ZSCAN16: variants seen among roughly 807,000 people sequenced by gnomAD.
ZSCAN16 encodes zinc finger and SCAN domain containing 16.
Under a neutral mutation model 19.4 loss-of-function variants are expected in ZSCAN16, and 15 were observed. That is an observed-to-expected ratio of 0.77 (90% CI 0.52 to 1.19). The LOEUF (loss-of-function observed/expected upper bound fraction) is 1.19, where lower values mean the gene tolerates loss of function less well. Ranked by LOEUF, ZSCAN16 falls within the 50% of genes most tolerant of loss-of-function variation. The pLI is 0.00. For synonymous variants in ZSCAN16, 138 were observed against 146.5 expected (o/e 0.94, Z 0.42); for missense variants, 327 against 415.7 (o/e 0.79, Z 1.86).
At chr6:28,127,006 T>G (rs1764926521) in intron 3 of ZSCAN16, 85 bp downstream of exon 3, 1 of 1,240,050 alleles carries the variant, frequency 8.1e-7, no homozygotes, top group Non-Finnish European at 1.0e-6. Flanking sequence ...TCTTCTCCTT[T>G]TAAAGATTTC....
intron 2 of ZSCAN16, among the ~76,000 whole-genome samples, 194 bp from the exon 3 acceptor site, chr6:28,126,589 T>C (rs755477577): frequency 3.9e-5 from 6 of 152,334 alleles, no homozygotes; most frequent in South Asian, 2.1e-4. Flanking sequence ...AGAAGAGACG[T>C]TGAATTTTAC....
intron 3 of ZSCAN16, among the ~76,000 whole-genome samples, chr6:28,127,124 C>T (rs965214884): frequency 6.6e-6 from 1 of 152,008 alleles, no homozygotes; most frequent in Non-Finnish European, 1.5e-5. Flanking sequence ...GCTATTTGGC[C>T]CAAGGGATGA....
intron 3 of ZSCAN16, among the ~76,000 whole-genome samples, chr6:28,128,284 C>T (rs973302163): frequency 2.0e-5 from 3 of 151,998 alleles, no homozygotes; most frequent in African/African-American, 7.2e-5. Context: ...CTGGCTCAAC[C>T]TGTCTTTTGA....
rs1765020171 is a variant in ZSCAN16, at chr6:28,130,073, G to A, written c.*123G>A. Reference sequence around the variant, plus strand: ...CTTCAGTCATCATTAAACTTCTCTGGACCAAAGAATCTACCTGAGTAAAAT... The same window carrying A: ...CTTCAGTCATCATTAAACTTCTCTGAACCAAAGAATCTACCTGAGTAAAAT... On this transcript the variant is annotated 3_prime_UTR_variant, in exon 4 of 4. Coordinates refer to ENST00000340487, the MANE Select transcript of ZSCAN16 (RefSeq NM_025231.3). 4.3e-6 allele frequency: 3 copies of A among 703,968 alleles called. No homozygotes were observed. Among genetic ancestry groups the A allele is most frequent in the Non-Finnish European group, 6.8e-6 (3 of 443,482 alleles). 43.6% of individuals were successfully genotyped at this position (703,968 alleles called of 1,614,324 possible). A position where few individuals can be genotyped will look rare whatever the true frequency, so the allele number is the denominator to read the frequency against.
At chr6:28,127,267 G>A (rs1358005485) in intron 3 of ZSCAN16, among the ~76,000 whole-genome samples, 1 of 152,162 alleles carries the variant, frequency 6.6e-6, no homozygotes, top group Admixed American at 6.5e-5. Flanking sequence ...CTGTCATACA[G>A]AATACCATGG....
intron 3 of ZSCAN16, among the ~76,000 whole-genome samples, chr6:28,128,504 A>G (rs1163358093): frequency 6.6e-6 from 1 of 152,214 alleles, no homozygotes; most frequent in Non-Finnish European, 1.5e-5. Flanking sequence ...CTGCAAAAAT[A>G]TCACAGAGTA....
Position 28,125,837 on chromosome 6 carries a change from A to T in ZSCAN16, c.387+7A>T. On this transcript the variant is annotated splice_region_variant and intron_variant, in intron 2 of 3. Transcript: ENST00000340487. The surrounding 1 kb of genome is among the most constrained non-coding windows in gnomAD (Gnocchi z 6.2). ...TGATGAACCTGGAAAGCAGGTGTGA[A>T]GGGGCAGTCATCTGGCTGTGAGTGA... 6.3e-7 allele frequency: 1 copy of T among 1,585,268 alleles called. No individual in the cohort carries two copies. The highest frequency in any genetic ancestry group is 8.6e-7 in the Non-Finnish European group (1 of 1,164,580).
rs758704810 is a variant in ZSCAN16 at position 28,125,501 on chromosome 6, G to T, written c.58G>T (p.Asp20Tyr). The stretch of plus-strand genomic sequence containing the variant: ...AGGACTTCTGATAATTAAGGCAGAG[G>T]ACCATTACTGGGGACAGGATTCCAG... ...QKGLLIIKAEDHYWGQDSSSQ... is the reference protein window; with the variant it reads ...QKGLLIIKAEYHYWGQDSSSQ... The change falls in exon 2 of 4, where the codon GAC becomes TAC. Residue 20 changes from aspartate (D) to tyrosine (Y), a missense_variant. Physicochemically the swap from Asp to Tyr is radical, Grantham distance 160. Transcript: ENST00000340487. The surrounding 1 kb of genome is among the most constrained non-coding windows in gnomAD (Gnocchi z 6.2). The T allele has an allele frequency of 1.2e-6, 2 of 1,614,188 alleles. No homozygotes were observed. Among genetic ancestry groups the T allele is most frequent in the Admixed American group, 1.7e-5 (1 of 60,020 alleles).
At chr6:28,126,954 A>C (rs770564729) in intron 3 of ZSCAN16, 33 bp downstream of exon 3, 1 of 1,431,166 alleles carries the variant, frequency 7.0e-7, no homozygotes, top group Non-Finnish European at 9.3e-7. Flanking sequence ...GTATGAGGGT[A>C]GAGGTACTTC....
In ZSCAN16 at chr6:28,125,874, G is replaced by A. The variant is rs1272486988; in HGVS notation, c.387+44G>A. 6.9e-7 allele frequency: 1 copy of A among 1,449,820 alleles called. No homozygotes were observed. Among genetic ancestry groups the A allele is most frequent in the South Asian group, 1.3e-5 (1 of 77,678 alleles). The allele number at this position is 1,449,820 out of a possible 1,614,324, so 89.8% of individuals were successfully genotyped here. On this transcript the variant is annotated intron_variant, in intron 2 of 3. Transcript: ENST00000340487. This position sits in a 1 kb window ranked among gnomAD's most constrained non-coding sequence, Gnocchi z 6.2. Reference sequence around the variant, plus strand: ...CTGGCTGTGAGTGATCAGGGGATATGGATGGAGCCAAAGCAAAAGGCATAT... The same window carrying A: ...CTGGCTGTGAGTGATCAGGGGATATAGATGGAGCCAAAGCAAAAGGCATAT...
chr6:28,124,965 CG>C, intron 1 of ZSCAN16, among the ~76,000 whole-genome samples: 1 of 152,328 alleles, frequency 6.6e-6, no homozygotes, highest in East Asian at 1.9e-4. Context: ...CAAGCTGGCC[CG>C]TGCATCTCAT....
rs768615894 is a variant in ZSCAN16 at position 28,125,857 on chromosome 6, G to A, written c.387+27G>A. ...TGTGAAGGGGCAGTCATCTGGCTGTGAGTGATCAGGGGATATGGATGGAGC... is the reference window on the plus strand; with the variant it reads ...TGTGAAGGGGCAGTCATCTGGCTGTAAGTGATCAGGGGATATGGATGGAGC... On this transcript the variant is annotated intron_variant, in intron 2 of 3. Coordinates refer to ENST00000340487, the MANE Select transcript of ZSCAN16 (RefSeq NM_025231.3). This position sits in a 1 kb window ranked among gnomAD's most constrained non-coding sequence, Gnocchi z 6.2. 1 of 1,539,468 alleles carries A rather than the reference G, an allele frequency of 6.5e-7. No homozygotes were observed. Among genetic ancestry groups the A allele is most frequent in the Non-Finnish European group, 8.8e-7 (1 of 1,133,120 alleles).
At chr6:28,128,850 T>C (rs1442780742) in intron 3 of ZSCAN16, among the ~76,000 whole-genome samples, 1 of 152,204 alleles carries the variant, frequency 6.6e-6, no homozygotes, top group Non-Finnish European at 1.5e-5. Flanking sequence ...TTTTCATTCC[T>C]CTATTTACTC....
chr6:28,126,239 T>C (rs750645212), intron 2 of ZSCAN16, among the ~76,000 whole-genome samples: 3 of 151,756 alleles, frequency 2.0e-5, no homozygotes, highest in African/African-American at 4.9e-5. Context: ...GCAAGCTGTA[T>C]ATGTATTTAA....
chr6:28,126,632 C>A, intron 2 of ZSCAN16, 151 bp from the exon 3 acceptor site: 1 of 492,850 alleles, frequency 2.0e-6, no homozygotes, highest in Non-Finnish European at 3.3e-6. Flanking sequence ...AGATTAGCCT[C>A]TGTTCCTTCT....
chr6:28,129,854 A>G lies in ZSCAN16; in HGVS notation c.951A>G (p.Glu317=). 6.2e-7 allele frequency: 1 copy of G among 1,614,186 alleles called. No homozygotes were observed. Among genetic ancestry groups the G allele is most frequent in the South Asian group, 1.1e-5 (1 of 91,070 alleles). ...AGCATCAGAGAATCCACACAGGTGA[A>G]AAACCCTATGAATGTGATGAGTGTG... The part of the protein sequence containing the change: ...LIQHQRIHTG[E]KPYECDECGR... The change falls in exon 4 of 4, where the codon GAA becomes GAG. Residue 317 remains glutamate, a synonymous_variant. Coordinates refer to ENST00000340487, the MANE Select transcript of ZSCAN16 (RefSeq NM_025231.3).
rs777964231 is a variant in ZSCAN16 at position 28,129,875 on chromosome 6, G to A, written c.972G>A (p.Glu324=). 21 of 1,613,536 alleles carry A rather than the reference G, an allele frequency of 1.3e-5. No individual in the cohort carries two copies. The Admixed American group carries it at 3.2e-4, about 24-fold the overall frequency. The change falls in exon 4 of 4, where the codon GAG becomes GAA. Residue 324 remains glutamate, a synonymous_variant. Transcript: ENST00000340487. Reference sequence around the variant, plus strand: ...GTGAAAAACCCTATGAATGTGATGAGTGTGGAAGGCCTTTCCGAGTAAGTT... The same window carrying A: ...GTGAAAAACCCTATGAATGTGATGAATGTGGAAGGCCTTTCCGAGTAAGTT... ...HTGEKPYECD[E]CGRPFRVSSA...
chr6:28,129,561 A>T lies in ZSCAN16; in HGVS notation c.658A>T (p.Ile220Phe), dbSNP rs1193371169. 1 of 1,614,188 alleles carries T rather than the reference A, an allele frequency of 6.2e-7. No individual in the cohort carries two copies. Among genetic ancestry groups the T allele is most frequent in the South Asian group, 1.1e-5 (1 of 91,084 alleles). Residue 220 changes from isoleucine to phenylalanine, a missense_variant, in exon 4 of 4, where the codon ATT becomes TTT. Ile to Phe is a conservative substitution (Grantham distance 21, BLOSUM62 0). Transcript: ENST00000340487. ...TPQHPKSKDI[I>F]ENEGRSEWQQ... ...TCAGCATCCTAAGTCCAAAGATATTATTGAAAATGAGGGCAGATCAGAATG... is the reference window on the plus strand; with the variant it reads ...TCAGCATCCTAAGTCCAAAGATATTTTTGAAAATGAGGGCAGATCAGAATG...
Position 28,129,621 on chromosome 6 carries a change from G to A in ZSCAN16, c.718G>A (p.Glu240Lys), listed in dbSNP as rs1215097551. ...GGAAAGAAGACGATATAAATGTGAT[G>A]AATGTGGGAAAAGTTTCAGTCATAG... ...QRERRRYKCD[E>K]CGKSFSHSSD... Residue 240 changes from glutamate (E) to lysine (K), a missense_variant, in exon 4 of 4, where the codon GAA becomes AAA. Physicochemically the swap from Glu to Lys is moderately conservative, Grantham distance 56 (BLOSUM62 1). Coordinates refer to ENST00000340487, the MANE Select transcript of ZSCAN16 (RefSeq NM_025231.3). 2 of 1,614,098 alleles carry A rather than the reference G, an allele frequency of 1.2e-6. No individual in the cohort carries two copies. Among genetic ancestry groups the A allele is most frequent in the Non-Finnish European group, 1.7e-6 (2 of 1,180,042 alleles).
Sources: allele counts gnomAD v4.1 joint callset (sites outside exome capture counted in the v4.1 genomes callset), GRCh38; gene constraint gnomAD v4.1.1; non-coding constraint Gnocchi (gnomAD v3.1); transcripts MANE v1.5; gene names NCBI Gene and HGNC (gene_info 2026-07-23, HGNC 2026-07-21).